Variants in PPP2R2B observed in about 807,000 individuals in gnomAD.
The protein encoded by PPP2R2B is serine/threonine-protein phosphatase 2A 55 kDa regulatory subunit B beta isoform.
A neutral mutation model predicts 46.0 loss-of-function variants in PPP2R2B; 5 were observed. The ratio of observed to expected loss-of-function variants is 0.11; its 90% confidence interval spans 0.06 to 0.23. PPP2R2B has a LOEUF of 0.23. Ranked by LOEUF, PPP2R2B falls within the 10% of genes least tolerant of loss-of-function variation. The probability of loss-of-function intolerance (pLI) is 1.00; values close to 1 mark genes in which losing one functional copy is unlikely to be tolerated. For synonymous variants in PPP2R2B, 215 were observed against 206.7 expected, an observed-to-expected ratio of 1.04 and a Z score of -0.34; for missense variants, 367 against 575.0, an observed-to-expected ratio of 0.64 and a Z score of 3.70.
chr5:146,619,453 CA>C (rs1486923280), intron 7 of PPP2R2B, among the ~76,000 whole-genome samples: 1 of 152,114 alleles, frequency 6.6e-6, no homozygotes, highest in Non-Finnish European at 1.5e-5. Context: ...AAGACTCTCT[CA>C]AAAACAAACC....
chr5:146,825,846 T>C (rs1026477184), intron 2 of PPP2R2B, among the ~76,000 whole-genome samples: 1 of 152,332 alleles, frequency 6.6e-6, no homozygotes, highest in Admixed American at 6.5e-5. Context: ...CATGCCACTT[T>C]TTTTGTTGTT....
chr5:146,644,115 T>A (rs145181926), intron 6 of PPP2R2B, among the ~76,000 whole-genome samples: 2 of 151,874 alleles, frequency 1.3e-5, no homozygotes, highest in Non-Finnish European at 2.9e-5. Flanking sequence ...CTAAAGTAAT[T>A]TACCAAAAAA....
At position 147,014,046 on chromosome 5, in the gene PPP2R2B, AC is replaced by A. The variant is rs1405384097; in HGVS notation, c.79+41618del. On this transcript the variant is annotated intron_variant, in intron 1 of 8. Transcript: ENST00000336640. ...ACTCAAACAAATTTACAAGAAAAAA[AC>A]AAACAACCCCATCAAAAAGTGGGCA... is the stretch of plus-strand genomic sequence containing the variant. Among the ~76,000 whole-genome samples the A allele has an allele frequency of 1.3e-4, 16 of 127,360 alleles. No homozygotes were observed. The South Asian group carries it at 4.1e-3, about 33-fold the overall frequency. The allele number at this position is 127,360 out of a possible 152,430, so 83.6% of individuals were successfully genotyped here.
intron 8 of PPP2R2B, among the ~76,000 whole-genome samples, chr5:146,595,267 AAACT>A (rs1771064018): frequency 6.6e-6 from 1 of 152,138 alleles, no homozygotes; most frequent in Non-Finnish European, 1.5e-5. Flanking sequence ...TCTCTGCTAT[AAACT>A]AACTCATTCA....
chr5:146,651,267 C>G (rs1775938105), intron 5 of PPP2R2B, among the ~76,000 whole-genome samples: 1 of 152,136 alleles, frequency 6.6e-6, no homozygotes, highest in South Asian at 2.1e-4. Flanking sequence ...AATTCAGCCA[C>G]TAATATATAG....
At position 146,638,200 on chromosome 5, in the gene PPP2R2B, C is replaced by G. The variant is rs780892735; in HGVS notation, c.790+51G>C. ...CATAAGCTTCCAGGCTCTCCCCCAG[C>G]ACATTGGGGCCAGTGGCCATGCCCC... On this transcript the variant is annotated intron_variant, in intron 7 of 9. Transcript: ENST00000394411. 3 of 1,571,920 alleles carry G rather than the reference C, an allele frequency of 1.9e-6. No individual in the cohort carries two copies. In the South Asian group the frequency reaches 3.5e-5, roughly 19 times the overall value.
Position 146,587,110 on chromosome 5 carries a change from A to T in PPP2R2B, c.*2837T>A, listed in dbSNP as rs1326246831. ...AGAATCGAACCAACTGTTGCAAGGT[A>T]GCAAATCAGCCTTCAAGTAGTTTTT... On this transcript the variant is annotated 3_prime_UTR_variant, in exon 10 of 10. Coordinates refer to ENST00000394411, the MANE Select transcript of PPP2R2B (RefSeq NM_181675.4). 6.6e-6 allele frequency: 1 copy of T among 152,230 alleles called. No homozygotes were observed. The highest frequency in any genetic ancestry group is 1.9e-4 in the East Asian group (1 of 5,200). The allele number at this position is 152,230 out of a possible 1,614,324, so 9.4% of individuals were successfully genotyped here. A position where few individuals can be genotyped will look rare whatever the true frequency, so the allele number is the denominator to read the frequency against.
chr5:146,932,774 A>G (rs1764010039), intron 1 of PPP2R2B, among the ~76,000 whole-genome samples: 1 of 152,176 alleles, frequency 6.6e-6, no homozygotes, highest in Non-Finnish European at 1.5e-5. Context: ...CTTTATATAC[A>G]TCCCATTTGT....
At chr5:146,843,488 A>G (rs1252305195) in intron 2 of PPP2R2B, among the ~76,000 whole-genome samples, 2 of 152,234 alleles carry the variant, frequency 1.3e-5, no homozygotes, top group Non-Finnish European at 2.9e-5. Flanking sequence ...TATTTTATAC[A>G]TTGCTAAAAT....
chr5:146,775,410 CAAAG>C (rs1755122826), intron 2 of PPP2R2B, among the ~76,000 whole-genome samples: 1 of 152,006 alleles, frequency 6.6e-6, no homozygotes, highest in African/African-American at 2.4e-5. Flanking sequence ...TCTCAATTGA[CAAAG>C]AAAAAGCATT....
At chr5:146,970,999 G>A (rs1012674022) in intron 1 of PPP2R2B, among the ~76,000 whole-genome samples, 127 of 152,142 alleles carry the variant, frequency 8.3e-4, no homozygotes, top group African/African-American at 3.0e-3. Context: ...AGATCCCTTC[G>A]AAACATTTTT....
chr5:146,617,513 A>C (rs937508954), intron 7 of PPP2R2B, among the ~76,000 whole-genome samples: 5 of 152,118 alleles, frequency 3.3e-5, no homozygotes, highest in African/African-American at 1.2e-4. Flanking sequence ...AGACGTCAAC[A>C]AGTTCTAGTG....
intron 5 of PPP2R2B, among the ~76,000 whole-genome samples, chr5:146,671,053 C>T (rs1777331663): frequency 6.6e-6 from 1 of 152,042 alleles, no homozygotes; most frequent in Non-Finnish European, 1.5e-5. Context: ...AAAATATTAA[C>T]ATCAAACTGA....
intron 8 of PPP2R2B, among the ~76,000 whole-genome samples, chr5:146,594,441 T>G (rs938007207): frequency 6.6e-6 from 1 of 152,228 alleles, no homozygotes; most frequent in African/African-American, 2.4e-5. Flanking sequence ...AGTAGTAGCC[T>G]GGGTTCTCTG....
intron 2 of PPP2R2B, among the ~76,000 whole-genome samples, chr5:146,805,300 G>A (rs1216186069): frequency 6.6e-6 from 1 of 152,110 alleles, no homozygotes; most frequent in Non-Finnish European, 1.5e-5. Context: ...ACCCAGCAAT[G>A]ATGGCATGCT....
At chr5:146,637,174 C>A (rs1353795040) in intron 7 of PPP2R2B, among the ~76,000 whole-genome samples, 1 of 152,154 alleles carries the variant, frequency 6.6e-6, no homozygotes, top group Non-Finnish European at 1.5e-5. Context: ...CCATTGTACC[C>A]CTCAGAGTTC....
chr5:146,845,552 C>T (rs1224619156), intron 2 of PPP2R2B, among the ~76,000 whole-genome samples: 2 of 151,086 alleles, frequency 1.3e-5, no homozygotes, highest in Non-Finnish European at 2.9e-5. Context: ...CACACCTGGC[C>T]AATTTATGAC....
At chr5:146,857,326 G>T (rs319241) in intron 2 of PPP2R2B, among the ~76,000 whole-genome samples, 1 of 151,968 alleles carries the variant, frequency 6.6e-6, no homozygotes, top group South Asian at 2.1e-4. Context: ...CAAAATAAAC[G>T]TGTAAGATTA....
chr5:146,986,724 G>T (rs1410047969), intron 1 of PPP2R2B, among the ~76,000 whole-genome samples: 2 of 152,052 alleles, frequency 1.3e-5, no homozygotes, highest in African/African-American at 4.8e-5. Context: ...AGAGGGAAAA[G>T]CAAAAAGAAT....
Sources: gnomAD v4.1 joint callset for allele counts (sites outside exome capture counted in the v4.1 genomes callset) on GRCh38, gnomAD v4.1.1 for gene constraint, MANE v1.5 for transcripts, NCBI Gene and HGNC (gene_info 2026-07-23, HGNC 2026-07-21) for gene names.